Variants in DAB1 observed in about 807,000 individuals in gnomAD.
DAB1 encodes DAB adaptor protein 1, also known as disabled homolog 1.
Under a neutral mutation model 64.6 loss-of-function variants are expected in DAB1, and 15 were observed. The ratio of observed to expected loss-of-function variants is 0.23; its 90% CI spans 0.16 to 0.36. The LOEUF is 0.36. DAB1 is among the 10% of genes least tolerant of loss of function. DAB1 has a pLI of 1.00. For synonymous variants in DAB1, 235 were observed against 251.9 expected (o/e 0.93, Z 0.64); for missense variants, 596 against 706.7 (o/e 0.84, Z 1.78).
chr1:58,208,651 C>T (rs1025940025), intron 4 of DAB1, among the ~76,000 whole-genome samples: 21 of 152,196 alleles, frequency 1.4e-4, no homozygotes, highest in African/African-American at 5.1e-4. Flanking sequence ...GAGTAGTATT[C>T]TGGTATATAC....
intron 4 of DAB1, among the ~76,000 whole-genome samples, chr1:57,101,031 G>T (rs1654636994): frequency 6.6e-6 from 1 of 152,140 alleles, no homozygotes; most frequent in Non-Finnish European, 1.5e-5. Flanking sequence ...AACACTGCTG[G>T]TCAGCAGCAC....
chr1:58,435,224 C>T (rs1298514812), intron 3 of DAB1, among the ~76,000 whole-genome samples: 2 of 152,152 alleles, frequency 1.3e-5, no homozygotes, highest in African/African-American at 4.8e-5. Context: ...CCTCCTCCCT[C>T]AGGATTCTGA....
At chr1:57,693,716 G>A (rs1646791835) in intron 6 of DAB1, among the ~76,000 whole-genome samples, 1 of 152,174 alleles carries the variant, frequency 6.6e-6, no homozygotes. Flanking sequence ...AAGGTCTGCG[G>A]CTTCATTCTT....
At chr1:58,313,053 A>G (rs1662466408) in intron 4 of DAB1, among the ~76,000 whole-genome samples, 1 of 152,092 alleles carries the variant, frequency 6.6e-6, no homozygotes, top group African/African-American at 2.4e-5. Context: ...AGACCCCAGC[A>G]TTACTACCTC....
At chr1:57,659,819 A>G (rs1310571722) in intron 6 of DAB1, among the ~76,000 whole-genome samples, 1 of 152,052 alleles carries the variant, frequency 6.6e-6, no homozygotes, top group African/African-American at 2.4e-5. Context: ...TCTACTAAAA[A>G]TACAAAAATT....
At chr1:58,321,820 AC>A (rs1053706873) in intron 4 of DAB1, among the ~76,000 whole-genome samples, 2 of 152,150 alleles carry the variant, frequency 1.3e-5, no homozygotes, top group African/African-American at 4.8e-5. Context: ...TGTAGACCCC[AC>A]CCCTGGGGGC....
At chr1:57,519,027 T>C (rs552550667) in intron 7 of DAB1, among the ~76,000 whole-genome samples, 2 of 152,174 alleles carry the variant, frequency 1.3e-5, no homozygotes, top group Non-Finnish European at 2.9e-5. Flanking sequence ...GATTTTCCAC[T>C]ATTTCTTCGG....
At chr1:57,127,379 A>G (rs1240891426) in intron 4 of DAB1, among the ~76,000 whole-genome samples, 1 of 152,214 alleles carries the variant, frequency 6.6e-6, no homozygotes, top group Non-Finnish European at 1.5e-5. Context: ...GCACGTTAAT[A>G]TTTGTGATTT....
intron 9 of DAB1, among the ~76,000 whole-genome samples, chr1:57,055,017 T>A (rs1158388168): frequency 6.6e-6 from 1 of 152,186 alleles, no homozygotes; most frequent in Non-Finnish European, 1.5e-5. Flanking sequence ...ATCTTACTCA[T>A]CCTTCAAGGC....
intron 4 of DAB1, among the ~76,000 whole-genome samples, chr1:57,108,141 G>C (rs954103163): frequency 6.6e-6 from 1 of 152,090 alleles, no homozygotes; most frequent in Non-Finnish European, 1.5e-5. Flanking sequence ...CTCCAATCAA[G>C]GCTGTAGGGT....
At chr1:58,541,293 CAAAAAAAAAAAAAAAAAAAAAAAAAAAAA>C (rs71043292) in intron 1 of DAB1, among the ~76,000 whole-genome samples, 3 of 27,562 alleles carry the variant, frequency 1.1e-4, no homozygotes, top group Non-Finnish European at 2.0e-4. Flanking sequence ...GACTCTGTCT[CAAAAAAAAAAAAAAAAAAAAAAAAAAAAA>C]AAAAAAAAAA....
chr1:57,231,321 C>A lies in DAB1; in HGVS notation c.67+59643G>T, dbSNP rs1667660027. On this transcript the variant is annotated intron_variant, in intron 2 of 14. Transcript: ENST00000371236. ...TTCTTCTGGGTATCCATAGTTAATA[C>A]ATTTATATTTCTAATACAGATATAA... Among the ~76,000 whole-genome samples the A allele has an allele frequency of 2.0e-5, 3 of 152,132 alleles. 1 individual carries two copies. In the South Asian group the frequency reaches 6.2e-4, roughly 32 times the overall value.
intron 6 of DAB1, among the ~76,000 whole-genome samples, chr1:57,790,932 G>C (rs1348299349): frequency 6.6e-6 from 1 of 151,948 alleles, no homozygotes; most frequent in African/African-American, 2.4e-5. Context: ...TTTTAAACAT[G>C]GTAGATAGCT....
At chr1:58,397,116 G>GTA (rs1644530271) in intron 3 of DAB1, among the ~76,000 whole-genome samples, 1 of 151,886 alleles carries the variant, frequency 6.6e-6, no homozygotes, top group Admixed American at 6.6e-5. Flanking sequence ...CAAGAGAGAA[G>GTA]TAGGTAAAGG....
intron 3 of DAB1, among the ~76,000 whole-genome samples, chr1:58,494,138 G>T (rs1308727787): frequency 1.3e-5 from 2 of 152,136 alleles, no homozygotes; most frequent in Non-Finnish European, 2.9e-5. Context: ...TCTGATCTTT[G>T]ACAAACCTGA....
At chr1:57,093,925 A>C (rs517051) in intron 4 of DAB1, among the ~76,000 whole-genome samples, 79,367 of 151,588 alleles carry the variant, frequency 0.52, 21,211 homozygotes, top group South Asian at 0.64. Flanking sequence ...ATCAGCCTGG[A>C]CAACATGGAG....
At chr1:58,261,040 T>G (rs75728997) in intron 4 of DAB1, among the ~76,000 whole-genome samples, 16,598 of 152,278 alleles carry the variant, frequency 0.11, 1,301 homozygotes, top group Admixed American at 0.19. Flanking sequence ...TTGCAATGTA[T>G]ACAGCACTTC....
intron 5 of DAB1, among the ~76,000 whole-genome samples, chr1:58,131,982 C>G (rs575838144): frequency 2.0e-5 from 3 of 152,022 alleles, no homozygotes; most frequent in African/African-American, 7.2e-5. Context: ...GTGGTGGGCT[C>G]CACCCAGTTC....
chr1:58,517,313 T>C (rs1046803411), intron 2 of DAB1, among the ~76,000 whole-genome samples: 1 of 152,242 alleles, frequency 6.6e-6, no homozygotes, highest in Non-Finnish European at 1.5e-5. Flanking sequence ...TCTGTTGCCA[T>C]TGGTGCTCTT....
Sources: gnomAD v4.1 joint callset for allele counts (sites outside exome capture counted in the v4.1 genomes callset) on GRCh38, gnomAD v4.1.1 for gene constraint, MANE v1.5 for transcripts, NCBI Gene and HGNC (gene_info 2026-07-23, HGNC 2026-07-21) for gene names.